The following ZNF525 variants were observed in gnomAD, a reference collection of about 807,000 sequenced individuals.
ZNF525 encodes the protein zinc finger protein 525.
A neutral mutation model predicts 37.6 loss-of-function variants in ZNF525; 33 were observed. The ratio of observed to expected loss-of-function variants is 0.88; its 90% CI spans 0.67 to 1.17. ZNF525 has a LOEUF of 1.17. Among genes scored for constraint, ZNF525 ranks in the 50% most tolerant of loss-of-function variants. The pLI is 0.00. For synonymous variants in ZNF525, 170 were observed against 182.3 expected (o/e 0.93, Z 0.54); for missense variants, 449 against 543.1 (o/e 0.83, Z 1.72).
intron 1 of ZNF525, among the ~76,000 whole-genome samples, chr19:53,369,674 C>A (rs559872820): frequency 1.4e-5 from 2 of 143,622 alleles, no homozygotes; most frequent in Non-Finnish European, 3.0e-5. Context: ...AAGAATTAAA[C>A]GTCGGGAACC....
At position 53,383,320 on chromosome 19, in the gene ZNF525, G is replaced by GT. The variant is rs2085581567; in HGVS notation, c.*1302dup. The GT allele has an allele frequency of 2.8e-6, 2 of 715,612 alleles. No homozygotes were observed. The highest frequency in any genetic ancestry group is 4.1e-6 in the Non-Finnish European group (2 of 489,110). 44.3% of individuals were successfully genotyped at this position (715,612 alleles called of 1,614,324 possible). On this transcript the variant is annotated 3_prime_UTR_variant, in exon 4 of 4. Transcript: ENST00000474037. ...CAATTCATACTGGAGAGAAACAAGC[G>GT]TAATGAATGTGGCGAGGTTTTCAAT...
chr19:53,370,559 G>A (rs191853448), intron 1 of ZNF525, among the ~76,000 whole-genome samples: 9 of 152,146 alleles, frequency 5.9e-5, no homozygotes, highest in South Asian at 2.1e-4. Flanking sequence ...AGCTCAACCC[G>A]AGTGACCCTG....
chr19:53,377,547 C>T lies in ZNF525; in HGVS notation c.142+1651C>T, dbSNP rs1600021675. On this transcript the variant is annotated intron_variant, in intron 3 of 3. Coordinates refer to ENST00000474037, the MANE Select transcript of ZNF525 (RefSeq NM_001348156.2). Reference sequence around the variant, plus strand: ...GTGGGTTGGAGTTACTCTTAGGCTTCTTTCATTTCTTTTTTTTTTTTTTTT... The same window carrying T: ...GTGGGTTGGAGTTACTCTTAGGCTTTTTTCATTTCTTTTTTTTTTTTTTTT... Among the ~76,000 whole-genome samples the T allele has an allele frequency of 2.8e-5, 4 of 145,350 alleles. No homozygotes were observed. The South Asian group carries it at 8.9e-4, about 32-fold the overall frequency.
intron 2 of ZNF525, 183 bp downstream of exon 2, chr19:53,372,479 T>C (rs192380425): frequency 5.3e-6 from 4 of 752,948 alleles, no homozygotes; most frequent in Middle Eastern, 2.3e-4. Flanking sequence ...TGACATGAAC[T>C]TGGGAAGAGG....
chr19:53,369,913 G>A (rs181573378), intron 1 of ZNF525, among the ~76,000 whole-genome samples: 56,569 of 142,014 alleles, frequency 0.4, 13,810 homozygotes, highest in Non-Finnish European at 0.53. Flanking sequence ...TTTAGTAGAG[G>A]TGGGGTTTCA....
chr19:53,382,564 G>T lies in ZNF525; in HGVS notation c.*545G>T, dbSNP rs2085574857. The stretch of plus-strand genomic sequence containing the variant: ...GACGTCATACTGGAGAGAAACCTTA[G>T]AAGTGCAATGAGTGTGGCAAAACCT... On this transcript the variant is annotated 3_prime_UTR_variant, in exon 4 of 4. Transcript: ENST00000474037. 1.5e-6 allele frequency: 1 copy of T among 657,764 alleles called. No homozygotes were observed. Among genetic ancestry groups the T allele is most frequent in the Admixed American group, 1.9e-5 (1 of 51,286 alleles). 40.7% of individuals were successfully genotyped at this position (657,764 alleles called of 1,614,324 possible).
In ZNF525 at chr19:53,384,506, T is replaced by C. The variant is rs2085591663; in HGVS notation, c.*2487T>C. 6.4e-6 allele frequency: 1 copy of C among 156,994 alleles called. No individual in the cohort carries two copies. The highest frequency in any genetic ancestry group is 6.4e-5 in the Admixed American group (1 of 15,518). The allele number at this position is 156,994 out of a possible 1,614,324, so 9.7% of individuals were successfully genotyped here. A position where few individuals can be genotyped will look rare whatever the true frequency, so the allele number is the denominator to read the frequency against. On this transcript the variant is annotated 3_prime_UTR_variant, in exon 4 of 4. Coordinates refer to ENST00000474037, the MANE Select transcript of ZNF525 (RefSeq NM_001348156.2). Reference sequence around the variant, plus strand: ...TTTTGTTGATTTCAAGGTACAAACGTCTCACCTTTTTACGTTTATTCCTAA... The same window carrying C: ...TTTTGTTGATTTCAAGGTACAAACGCCTCACCTTTTTACGTTTATTCCTAA...
At chr19:53,366,659 G>A (rs1331660009) in intron 1 of ZNF525, among the ~76,000 whole-genome samples, 2 of 151,850 alleles carry the variant, frequency 1.3e-5, no homozygotes, top group African/African-American at 4.9e-5. Context: ...CAAAGAGGGA[G>A]GCTCATCAGG....
At chr19:53,380,077 A>T in intron 3 of ZNF525, among the ~76,000 whole-genome samples, 1 of 152,014 alleles carries the variant, frequency 6.6e-6, no homozygotes, top group Non-Finnish European at 1.5e-5. Flanking sequence ...TAATTTTATG[A>T]CAGTTATTCA....
intron 1 of ZNF525, among the ~76,000 whole-genome samples, chr19:53,369,260 G>C (rs1034833961): frequency 1.5e-5 from 2 of 135,724 alleles, no homozygotes; most frequent in African/African-American, 5.4e-5. Flanking sequence ...TTTTTTTTTT[G>C]AGCTGGAGTT....
At chr19:53,371,559 A>G (rs7251990) in intron 1 of ZNF525, among the ~76,000 whole-genome samples, 134,993 of 152,122 alleles carry the variant, frequency 0.89, 59,993 homozygotes, top group South Asian at 0.97. Context: ...AATAGAGACA[A>G]GGTTTCACCA....
chr19:53,369,535 ATTC>A, intron 1 of ZNF525, among the ~76,000 whole-genome samples: 1 of 147,366 alleles, frequency 6.8e-6, no homozygotes, highest in East Asian at 2.0e-4. Context: ...CCACCCATGT[ATTC>A]TTGATGGAAA....
chr19:53,383,126 A>T lies in ZNF525; in HGVS notation c.*1107A>T. On this transcript the variant is annotated 3_prime_UTR_variant, in exon 4 of 4. Coordinates refer to ENST00000474037, the MANE Select transcript of ZNF525 (RefSeq NM_001348156.2). ...ACAAGCACACCTTGCACGTCATCAT[A>T]GAACTCATACTGGAGAGAAACATTA... 1 of 1,326,752 alleles carries T rather than the reference A, an allele frequency of 7.5e-7. No individual in the cohort carries two copies. The highest frequency in any genetic ancestry group is 1.1e-6 in the Non-Finnish European group (1 of 937,396). 82.2% of individuals were successfully genotyped at this position (1,326,752 alleles called of 1,614,324 possible).
intron 1 of ZNF525, among the ~76,000 whole-genome samples, chr19:53,366,388 AC>A (rs2085444603): frequency 6.6e-6 from 1 of 150,758 alleles, no homozygotes; most frequent in South Asian, 2.1e-4. Context: ...CAGGCGTCTT[AC>A]TCCAAACCCT....
chr19:53,372,511 G>T, intron 2 of ZNF525: 2 of 848,910 alleles, frequency 2.4e-6, no homozygotes, highest in Non-Finnish European at 3.9e-6. Flanking sequence ...ATGGTCTTGG[G>T]AAGGGCTCAC....
Position 53,370,155 on chromosome 19 carries a change from C to T in ZNF525, c.-67-2060C>T, listed in dbSNP as rs530607784. On this transcript the variant is annotated intron_variant, in intron 1 of 3. Transcript: ENST00000474037. Reference sequence around the variant, plus strand: ...AATTCAGGTAGCTGGGTGCGGTGGCCCACGCCTGTAATCCTAGCACTTTGG... The same window carrying T: ...AATTCAGGTAGCTGGGTGCGGTGGCTCACGCCTGTAATCCTAGCACTTTGG... Among the ~76,000 whole-genome samples the T allele has an allele frequency of 2.2e-3, 331 of 150,572 alleles. 2 individuals are homozygous for T. Among genetic ancestry groups the T allele is most frequent in the African/African-American group, 7.7e-3 (316 of 41,098 alleles).
chr19:53,376,152 G>A (rs1404361895), intron 3 of ZNF525: 12 of 886,534 alleles, frequency 1.4e-5, no homozygotes, highest in African/African-American at 6.6e-5. Context: ...CTTGCTGTGC[G>A]GTTGAAGTTG....
chr19:53,383,313 A>ACCTT lies in ZNF525; in HGVS notation c.*1294_*1295insCCTT, dbSNP rs2085581332. On this transcript the variant is annotated 3_prime_UTR_variant, in exon 4 of 4. Coordinates refer to ENST00000474037, the MANE Select transcript of ZNF525 (RefSeq NM_001348156.2). Reference sequence around the variant, plus strand: ...CATAAAACAATTCATACTGGAGAGAAACAAGCGTAATGAATGTGGCGAGGT... The same window carrying ACCTT: ...CATAAAACAATTCATACTGGAGAGAACCTTACAAGCGTAATGAATGTGGCGAGGT... 3.7e-5 allele frequency: 51 copies of ACCTT among 1,390,028 alleles called. 3 individuals carry two copies. The South Asian group carries it at 5.4e-4, about 15-fold the overall frequency. 86.1% of individuals were successfully genotyped at this position (1,390,028 alleles called of 1,614,324 possible). A position where few individuals can be genotyped will look rare whatever the true frequency, so the allele number is the denominator to read the frequency against.
Position 53,385,254 on chromosome 19 carries a change from T to C in ZNF525, c.*3235T>C. The C allele has an allele frequency of 2.3e-6, 1 of 437,002 alleles. No homozygotes were observed. The allele number at this position is 437,002 out of a possible 1,614,324, so 27.1% of individuals were successfully genotyped here. On this transcript the variant is annotated 3_prime_UTR_variant, in exon 4 of 4. Coordinates refer to ENST00000474037, the MANE Select transcript of ZNF525 (RefSeq NM_001348156.2). ...GAATTTCACAATTTTTGCACCAAAA[T>C]AAACTAGTGCTAGTCTGTTATAACA...
Sources: gnomAD v4.1 joint callset for allele counts (sites outside exome capture counted in the v4.1 genomes callset) on GRCh38, gnomAD v4.1.1 for gene constraint, MANE v1.5 for transcripts, NCBI Gene and HGNC (gene_info 2026-07-23, HGNC 2026-07-21) for gene names.